The following ATRNL1 variants were observed in gnomAD, a reference collection of about 807,000 sequenced individuals.
ATRNL1 encodes attractin-like protein 1.
In ATRNL1, 95 loss-of-function variants were observed where a neutral mutation model predicts 182.7. The ratio of observed to expected loss-of-function variants is 0.52; its 90% CI spans 0.44 to 0.62. The LOEUF is 0.62. ATRNL1 is among the 20% of genes least tolerant of loss of function. The pLI, the probability that ATRNL1 is intolerant of heterozygous loss-of-function variation, is 0.00. For synonymous variants in ATRNL1, 576 were observed against 568.3 expected (o/e 1.01, Z -0.19); for missense variants, 1,471 against 1,679.5 (o/e 0.88, Z 2.17).
chr10:115,368,234 G>GT (rs1564962814), intron 19 of ATRNL1, among the ~76,000 whole-genome samples: 2 of 152,192 alleles, frequency 1.3e-5, no homozygotes, highest in African/African-American at 2.4e-5. Flanking sequence ...GCGGTGCGCC[G>GT]TTTTTTAAGC....
intron 3 of ATRNL1, among the ~76,000 whole-genome samples, chr10:115,125,960 T>G (rs1844954210): frequency 6.6e-6 from 1 of 152,262 alleles, no homozygotes; most frequent in Non-Finnish European, 1.5e-5. Context: ...TTTCAGTTGG[T>G]CCGAATTTCC....
At chr10:115,487,078 G>C (rs111344658) in intron 24 of ATRNL1, among the ~76,000 whole-genome samples, 65 of 152,198 alleles carry the variant, frequency 4.3e-4, no homozygotes, top group African/African-American at 1.5e-3. Context: ...TGAGTCTTCT[G>C]TTCTGTTCCA....
intron 24 of ATRNL1, among the ~76,000 whole-genome samples, chr10:115,483,182 C>A (rs748155598): frequency 2.0e-5 from 3 of 151,266 alleles, no homozygotes; most frequent in African/African-American, 2.4e-5. Context: ...TCTGCTCTTA[C>A]AAGTCAGATA....
chr10:115,713,682 T>C (rs1947142353), intron 26 of ATRNL1, among the ~76,000 whole-genome samples: 1 of 108,916 alleles, frequency 9.2e-6, no homozygotes, highest in Admixed American at 1.0e-4. Flanking sequence ...GTTTTCTATC[T>C]ATCTATCTAT....
chr10:115,673,467 C>T (rs534799456), intron 26 of ATRNL1, among the ~76,000 whole-genome samples: 1 of 152,116 alleles, frequency 6.6e-6, no homozygotes, highest in South Asian at 2.1e-4. Flanking sequence ...ATTTGAGTCT[C>T]AGTGACAGCA....
At chr10:115,829,170 A>G (rs1029327749) in intron 27 of ATRNL1, among the ~76,000 whole-genome samples, 2 of 151,188 alleles carry the variant, frequency 1.3e-5, no homozygotes, top group African/African-American at 2.4e-5. Context: ...CATTTGAGGG[A>G]AAAAAAAATG....
chr10:115,767,292 A>C (rs1294198374), intron 27 of ATRNL1, among the ~76,000 whole-genome samples: 2 of 152,128 alleles, frequency 1.3e-5, no homozygotes, highest in Non-Finnish European at 2.9e-5. Flanking sequence ...GCATTCATTA[A>C]ATAAGTACCA....
At chr10:115,508,798 T>G (rs191198148) in intron 24 of ATRNL1, among the ~76,000 whole-genome samples, 1 of 152,088 alleles carries the variant, frequency 6.6e-6, no homozygotes. Flanking sequence ...ATAACAAAAG[T>G]GCGAGGTGAA....
chr10:115,477,503 T>G (rs1848587405), intron 24 of ATRNL1, among the ~76,000 whole-genome samples: 1 of 151,500 alleles, frequency 6.6e-6, no homozygotes. Flanking sequence ...TGAGTCCAAC[T>G]GGCAAATTTA....
intron 5 of ATRNL1, 39 bp downstream of exon 5, chr10:115,129,574 T>G: frequency 6.6e-7 from 1 of 1,526,382 alleles, no homozygotes; most frequent in Non-Finnish European, 9.1e-7. Context: ...AAACATTGAT[T>G]CATATATGTA....
intron 26 of ATRNL1, among the ~76,000 whole-genome samples, chr10:115,552,629 A>G (rs1025496411): frequency 5.9e-5 from 9 of 151,562 alleles, no homozygotes; most frequent in Middle Eastern, 6.8e-3. Context: ...TCTCATAAAC[A>G]TAGATATACT....
At position 115,596,570 on chromosome 10, in the gene ATRNL1, G is replaced by A. The variant is rs140255844; in HGVS notation, c.3795+47034G>A. Among the ~76,000 whole-genome samples, 243 of 152,266 alleles carry A rather than the reference G, an allele frequency of 1.6e-3. 1 individual carries two copies. Among genetic ancestry groups the A allele is most frequent in the African/African-American group, 5.4e-3 (225 of 41,546 alleles). On this transcript the variant is annotated intron_variant, in intron 26 of 28. Coordinates refer to ENST00000355044, the MANE Select transcript of ATRNL1 (RefSeq NM_207303.4). Reference sequence around the variant, plus strand: ...GGAAGATCTTTGTGCTTTTATCTTAGCAATTTCACCTGACATCTTACAGTA... The same window carrying A: ...GGAAGATCTTTGTGCTTTTATCTTAACAATTTCACCTGACATCTTACAGTA...
chr10:115,600,625 G>T (rs2133941404), intron 26 of ATRNL1, among the ~76,000 whole-genome samples: 1 of 152,096 alleles, frequency 6.6e-6, no homozygotes, highest in South Asian at 2.1e-4. Context: ...TATGTTCTGG[G>T]TTATAAATCC....
chr10:115,603,251 T>C (rs1310866444), intron 26 of ATRNL1, among the ~76,000 whole-genome samples: 1 of 152,200 alleles, frequency 6.6e-6, no homozygotes, highest in Non-Finnish European at 1.5e-5. Context: ...TTAGTCTTTC[T>C]CATGACCAGC....
At chr10:115,423,930 T>C (rs1335263806) in intron 20 of ATRNL1, among the ~76,000 whole-genome samples, 1 of 152,046 alleles carries the variant, frequency 6.6e-6, no homozygotes, top group Non-Finnish European at 1.5e-5. Context: ...AATAGAGAAA[T>C]GGGATTACAT....
intron 26 of ATRNL1, among the ~76,000 whole-genome samples, chr10:115,594,593 G>A (rs893297100): frequency 1.3e-5 from 2 of 152,148 alleles, no homozygotes; most frequent in African/African-American, 2.4e-5. Context: ...CGCAATCTCC[G>A]CCTTCAGGGT....
At chr10:115,096,930 C>T (rs2143371034) in intron 1 of ATRNL1, 1 of 523,274 alleles carries the variant, frequency 1.9e-6, no homozygotes, top group Non-Finnish European at 2.6e-6. Context: ...ATATAATAAT[C>T]AAAGATACAG....
At chr10:115,936,994 A>G (rs1190151194) in intron 28 of ATRNL1, among the ~76,000 whole-genome samples, 1 of 152,224 alleles carries the variant, frequency 6.6e-6, no homozygotes, top group African/African-American at 2.4e-5. Context: ...AACCAAGTAA[A>G]GTTTTTGAGT....
At chr10:115,382,904 A>T (rs1287576689) in intron 19 of ATRNL1, among the ~76,000 whole-genome samples, 1 of 151,862 alleles carries the variant, frequency 6.6e-6, no homozygotes, top group Admixed American at 6.6e-5. Context: ...CCTTGTCAAG[A>T]GTCAATTGTC....
Sources: gnomAD v4.1 joint callset for allele counts (sites outside exome capture counted in the v4.1 genomes callset) on GRCh38, gnomAD v4.1.1 for gene constraint, MANE v1.5 for transcripts, NCBI Gene and HGNC (gene_info 2026-07-23, HGNC 2026-07-21) for gene names.